The following AGFG2 variants were observed in gnomAD, a reference collection of about 807,000 sequenced individuals.
AGFG2 encodes the protein arf-GAP domain and FG repeat-containing protein 2.
AGFG2 carries 31 observed loss-of-function variants against 48.0 expected under a neutral mutation model. The ratio of observed to expected loss-of-function variants is 0.65; its 90% CI spans 0.49 to 0.87. The LOEUF (loss-of-function observed/expected upper bound fraction) is 0.87. Ranked by LOEUF, AGFG2 falls within the 40% of genes least tolerant of loss-of-function variation. The pLI, the probability that AGFG2 is intolerant of heterozygous loss-of-function variation, is 0.00. For synonymous variants in AGFG2, 229 were observed against 260.8 expected, an observed-to-expected ratio of 0.88 and a Z score of 1.18; for missense variants, 599 against 632.6, an observed-to-expected ratio of 0.95 and a Z score of 0.57.
Position 100,550,481 on chromosome 7 carries a change from T to C in AGFG2, c.401T>C (p.Phe134Ser). 1 of 1,613,896 alleles carries C rather than the reference T, an allele frequency of 6.2e-7. No individual in the cohort carries two copies. Among genetic ancestry groups the C allele is most frequent in the Non-Finnish European group, 8.5e-7 (1 of 1,179,846 alleles). Reference sequence around the variant, plus strand: ...AGGGATCCTCAGAAAGTGAAGGAGTTTCTCCAGGAAAAATATGAGAAGAAG... The same window carrying C: ...AGGGATCCTCAGAAAGTGAAGGAGTCTCTCCAGGAAAAATATGAGAAGAAG... ...DSRDPQKVKE[F>S]LQEKYEKKRW... Residue 134 changes from phenylalanine to serine, a missense_variant, in exon 3 of 12, where the codon TTT (phenylalanine) becomes TCT (serine). Transcript: ENST00000300176.
chr7:100,540,541 C>T (rs1349355297), intron 1 of AGFG2, among the ~76,000 whole-genome samples: 1 of 152,006 alleles, frequency 6.6e-6, no homozygotes, highest in Admixed American at 6.6e-5. Flanking sequence ...TAGTAAAGCC[C>T]CCTCCACTCC....
At position 100,556,557 on chromosome 7, in the gene AGFG2, C is replaced by G. The variant is rs937197820; in HGVS notation, c.877+822C>G. On this transcript the variant is annotated intron_variant, in intron 6 of 11. Transcript: ENST00000300176. ...ACATACACTCTTTCTTTCTCCCTTC[C>G]TCTACCCACCCTTCTCTTCTCCACC... is the stretch of plus-strand genomic sequence containing the variant. 1.6e-5 allele frequency: 20 copies of G among 1,286,516 alleles called. No homozygotes were observed. In the African/African-American group the frequency reaches 2.9e-4, roughly 19 times the overall value. The allele number at this position is 1,286,516 out of a possible 1,614,324, so 79.7% of individuals were successfully genotyped here.
intron 3 of AGFG2, among the ~76,000 whole-genome samples, chr7:100,551,000 T>A (rs542897501): frequency 1.2e-4 from 16 of 136,280 alleles, no homozygotes; most frequent in Non-Finnish European, 1.7e-4. Flanking sequence ...TAACTGGGAC[T>A]ACAGGTGTGT....
chr7:100,562,282 G>T lies in AGFG2; in HGVS notation c.901G>T (p.Gly301Cys). 6.2e-7 allele frequency: 1 copy of T among 1,613,924 alleles called. No homozygotes were observed. Among genetic ancestry groups the T allele is most frequent in the Non-Finnish European group, 8.5e-7 (1 of 1,179,966 alleles). Residue 301 changes from glycine to cysteine, a missense_variant, in exon 7 of 12, where the codon GGT (glycine) becomes TGT (cysteine). Coordinates refer to ENST00000300176, the MANE Select transcript of AGFG2 (RefSeq NM_006076.5). This position sits in a 1 kb window ranked among gnomAD's most constrained non-coding sequence, Gnocchi z 5.4. ...AGGGAGCAGCCAGGGGACTCCATTT[G>T]GTGCCACTCCCCTGGCACCCGCCAG... Reference protein sequence around the residue: ...PAGSSQGTPFGATPLAPASQP... With the variant: ...PAGSSQGTPFCATPLAPASQP...
Position 100,539,243 on chromosome 7 carries a change from A to G in AGFG2, c.-104A>G, listed in dbSNP as rs955289556. The G allele has an allele frequency of 6.0e-6, 7 of 1,164,450 alleles. No individual in the cohort carries two copies. The highest frequency in any genetic ancestry group is 3.2e-5 in the African/African-American group (2 of 62,598). The allele number at this position is 1,164,450 out of a possible 1,614,324, so 72.1% of individuals were successfully genotyped here. ...CTCCTGCGGATGCCGCCCGCTCCCG[A>G]GCTTCTGTCAGGGGAGCCGGGCGTG... On this transcript the variant is annotated 5_prime_UTR_variant, in exon 1 of 12. Coordinates refer to ENST00000300176, the MANE Select transcript of AGFG2 (RefSeq NM_006076.5).
rs745351962 is a variant in AGFG2 at position 100,553,399 on chromosome 7, TC to T, written c.486del (p.Thr163ProfsTer234). On this transcript the variant is annotated frameshift_variant, in exon 4 of 12. Transcript: ENST00000300176. LOFTEE classifies it high-confidence loss of function. Reference protein sequence around the residue: ...KGPTYTKGSASTPVQGSIPEG... With the variant: ...KGPTYTKGSAXTPVQGSIPEG... Reference sequence around the variant, plus strand: ...GCCCACTTATACCAAAGGCAGTGCCTCCACCCCTGTGCAGGGCTCCATCCCA... The same window carrying T: ...GCCCACTTATACCAAAGGCAGTGCCTCACCCCTGTGCAGGGCTCCATCCCA... 6.2e-7 allele frequency: 1 copy of T among 1,614,140 alleles called. No individual in the cohort carries two copies. The highest frequency in any genetic ancestry group is 1.3e-5 in the African/African-American group (1 of 75,022).
chr7:100,563,268 G>A (rs1039927697), intron 9 of AGFG2, among the ~76,000 whole-genome samples: 1 of 152,154 alleles, frequency 6.6e-6, no homozygotes, highest in African/African-American at 2.4e-5. Context: ...TCTGTGTCCC[G>A]AAGCTTAAGC....
chr7:100,543,290 C>T (rs946989171), intron 1 of AGFG2, among the ~76,000 whole-genome samples: 1 of 152,174 alleles, frequency 6.6e-6, no homozygotes, highest in African/African-American at 2.4e-5. Flanking sequence ...GTCTCAAACT[C>T]CTGACCTCAG....
intron 6 of AGFG2, among the ~76,000 whole-genome samples, chr7:100,559,970 A>G (rs969273138): frequency 3.3e-5 from 5 of 152,132 alleles, no homozygotes; most frequent in Admixed American, 3.3e-4. Context: ...GTCCACAGGG[A>G]GGCACAGCAT....
rs1027374743 is a variant in AGFG2 at position 100,548,902 on chromosome 7, C to A, written c.302C>A (p.Ser101Tyr). Residue 101 changes from serine to tyrosine, a missense_variant, in exon 2 of 12, where the codon TCC becomes TAC. Ser to Tyr is a moderately radical substitution (Grantham distance 144). Transcript: ENST00000300176. ...GAGCCTGAAGTAGTATTCCTGCAAT[C>A]CCGTGGAAATGAGGTGAGCTGCCAC... Reference protein sequence around the residue: ...FTEPEVVFLQSRGNEVCRKIW... With the variant: ...FTEPEVVFLQYRGNEVCRKIW... 3.1e-6 allele frequency: 5 copies of A among 1,613,464 alleles called. No homozygotes were observed. Among genetic ancestry groups the A allele is most frequent in the Admixed American group, 1.7e-5 (1 of 59,976 alleles).
At chr7:100,539,618 C>T (rs1367293643) in intron 1 of AGFG2, 51 bp downstream of exon 1, 1 of 73,630 alleles carries the variant, frequency 1.4e-5, no homozygotes, top group East Asian at 2.4e-4. Context: ...GACCCGGGGG[C>T]GGGGTGGGGA....
Position 100,562,067 on chromosome 7 carries a change from A to G in AGFG2, c.878-192A>G, listed in dbSNP as rs1379488758. Among the ~76,000 whole-genome samples the G allele has an allele frequency of 1.3e-5, 2 of 151,896 alleles. No homozygotes were observed. Among genetic ancestry groups the G allele is most frequent in the Non-Finnish European group, 2.9e-5 (2 of 67,960 alleles). On this transcript the variant is annotated intron_variant, in intron 6 of 11. Coordinates refer to ENST00000300176, the MANE Select transcript of AGFG2 (RefSeq NM_006076.5). This position sits in a 1 kb window ranked among gnomAD's most constrained non-coding sequence, Gnocchi z 5.4. ...GAAGGGCTGGGCTGTCACCTTGCCCAGAACTCTTGGTGGGAGACAAGACCT... is the reference window on the plus strand; with the variant it reads ...GAAGGGCTGGGCTGTCACCTTGCCCGGAACTCTTGGTGGGAGACAAGACCT...
chr7:100,558,124 G>A (rs1800793438), intron 6 of AGFG2, among the ~76,000 whole-genome samples: 1 of 152,128 alleles, frequency 6.6e-6, no homozygotes, highest in African/African-American at 2.4e-5. Context: ...TGAGGCAGGA[G>A]AATCACTTGA....
rs1380620239 is a variant in AGFG2 at position 100,562,611 on chromosome 7, G to A, written c.1016G>A (p.Gly339Asp). 2 of 1,612,884 alleles carry A rather than the reference G, an allele frequency of 1.2e-6. No homozygotes were observed. The highest frequency in any genetic ancestry group is 2.2e-5 in the East Asian group (1 of 44,866). The part of the protein sequence containing the change: ...GVPSSLFGMA[G>D]QVPPLQSVTM... Reference sequence around the variant, plus strand: ...TGTTGTAGCCTCTTCGGGATGGCTGGCCAGGTCCCCCCGCTCCAGTCTGTC... The same window carrying A: ...TGTTGTAGCCTCTTCGGGATGGCTGACCAGGTCCCCCCGCTCCAGTCTGTC... The change falls in exon 8 of 12, where the codon GGC (glycine) becomes GAC (aspartate). Residue 339 changes from glycine (G) to aspartate (D), a missense_variant. Gly to Asp is a moderately conservative substitution (Grantham distance 94, BLOSUM62 -1). Transcript: ENST00000300176. The surrounding 1 kb of genome is among the most constrained non-coding windows in gnomAD (Gnocchi z 5.4).
chr7:100,543,597 G>A (rs1800462961), intron 1 of AGFG2, among the ~76,000 whole-genome samples: 1 of 152,202 alleles, frequency 6.6e-6, no homozygotes, highest in African/African-American at 2.4e-5. Context: ...ATGTAGCAAA[G>A]TTGATGGTTC....
intron 1 of AGFG2, among the ~76,000 whole-genome samples, chr7:100,540,517 G>C (rs1800402583): frequency 6.6e-6 from 1 of 152,038 alleles, no homozygotes; most frequent in Non-Finnish European, 1.5e-5. Flanking sequence ...TTCTAGCCTA[G>C]ATTTCTGGTT....
chr7:100,549,634 G>C (rs991130937), intron 2 of AGFG2, among the ~76,000 whole-genome samples: 14 of 152,120 alleles, frequency 9.2e-5, no homozygotes, highest in African/African-American at 3.1e-4. Flanking sequence ...CTGGTTTGTA[G>C]GTAGACCCAG....
In AGFG2 at chr7:100,539,376, C is replaced by T. The variant is rs1338277451; in HGVS notation, c.30C>T (p.Gly10=). MVMAAKKGP[G]PGGGVSGGKA... ...TGATGGCGGCGAAGAAGGGCCCGGG[C>T]CCGGGCGGCGGGGTCAGCGGGGGCA... The change falls in exon 1 of 12, where the codon GGC becomes GGT. Residue 10 remains glycine (G), a synonymous_variant. Transcript: ENST00000300176. 4 of 1,282,322 alleles carry T rather than the reference C, an allele frequency of 3.1e-6. No homozygotes were observed. Among genetic ancestry groups the T allele is most frequent in the Non-Finnish European group, 4.0e-6 (4 of 1,010,930 alleles). The allele number at this position is 1,282,322 out of a possible 1,614,324, so 79.4% of individuals were successfully genotyped here.
rs1435765048 is a variant in AGFG2, at chr7:100,555,702, C to A, written c.844C>A (p.Gln282Lys). 6.2e-7 allele frequency: 1 copy of A among 1,614,146 alleles called. No homozygotes were observed. Among genetic ancestry groups the A allele is most frequent in the South Asian group, 1.1e-5 (1 of 91,078 alleles). Reference sequence around the variant, plus strand: ...GTTTGGAAGCCTCCCTCCAGCTGGTCAAGCCTCGTTCCAGGCCCAGCCAAC... The same window carrying A: ...GTTTGGAAGCCTCCCTCCAGCTGGTAAAGCCTCGTTCCAGGCCCAGCCAAC... ...SVFGSLPPAG[Q>K]ASFQAQPTPA... The change falls in exon 6 of 12, where the codon CAA becomes AAA. Residue 282 changes from glutamine to lysine, a missense_variant. Coordinates refer to ENST00000300176, the MANE Select transcript of AGFG2 (RefSeq NM_006076.5).
Sources: gnomAD v4.1 joint callset for allele counts (sites outside exome capture counted in the v4.1 genomes callset) on GRCh38, gnomAD v4.1.1 for gene constraint, Gnocchi (gnomAD v3.1) non-coding constraint, MANE v1.5 for transcripts, NCBI Gene and HGNC (gene_info 2026-07-23, HGNC 2026-07-21) for gene names.